The following PTPRD variants were observed in gnomAD, a reference collection of about 807,000 sequenced individuals.
PTPRD encodes receptor-type tyrosine-protein phosphatase delta.
PTPRD carries 34 observed loss-of-function variants against 214.5 expected under a neutral mutation model. The ratio of observed to expected loss-of-function variants is 0.16; its 90% CI spans 0.12 to 0.21. The LOEUF (loss-of-function observed/expected upper bound fraction) is 0.21, where lower values mean the gene tolerates loss of function less well. Among genes scored for constraint, PTPRD ranks in the 10% least tolerant of loss-of-function variants. The pLI is 1.00. For synonymous variants in PTPRD, 1,128 were observed against 845.7 expected, an observed-to-expected ratio of 1.33 and a Z score of -5.79; for missense variants, 2,545 against 2,398.7, an observed-to-expected ratio of 1.06 and a Z score of -1.27.
intron 2 of PTPRD, among the ~76,000 whole-genome samples, chr9:10,457,818 T>C (rs2098929531): frequency 6.6e-6 from 1 of 152,060 alleles, no homozygotes; most frequent in Non-Finnish European, 1.5e-5. Context: ...CATACCTTTT[T>C]TGAAAACATA....
intron 11 of PTPRD, among the ~76,000 whole-genome samples, chr9:8,891,102 CCT>C (rs1207813902): frequency 1.3e-5 from 2 of 151,122 alleles, no homozygotes; most frequent in Non-Finnish European, 2.9e-5. Context: ...GATACATACA[CCT>C]CTCTCAGAAC....
At chr9:10,609,906 G>A (rs1253216220) in intron 2 of PTPRD, among the ~76,000 whole-genome samples, 5 of 152,058 alleles carry the variant, frequency 3.3e-5, no homozygotes, top group Non-Finnish European at 7.4e-5. Flanking sequence ...AGAAAAACAT[G>A]TTTGCCTTCA....
At chr9:10,253,370 G>A (rs1348794029) in intron 3 of PTPRD, among the ~76,000 whole-genome samples, 1 of 152,204 alleles carries the variant, frequency 6.6e-6, no homozygotes, top group African/African-American at 2.4e-5. Flanking sequence ...TATGGGGCCA[G>A]CTGAAGAAAG....
intron 5 of PTPRD, among the ~76,000 whole-genome samples, chr9:9,798,624 T>C (rs1234797589): frequency 6.6e-6 from 1 of 152,186 alleles, no homozygotes; most frequent in Non-Finnish European, 1.5e-5. Context: ...ATGCCATATT[T>C]TGGGGTATCA....
At chr9:8,757,932 C>T (rs780656610) in intron 11 of PTPRD, among the ~76,000 whole-genome samples, 44 of 152,102 alleles carry the variant, frequency 2.9e-4, no homozygotes, top group Non-Finnish European at 3.1e-4. Flanking sequence ...AATTTGAAAT[C>T]TGGATCTCAC....
chr9:8,326,559 G>A (rs966032946), intron 44 of PTPRD, among the ~76,000 whole-genome samples: 1 of 151,524 alleles, frequency 6.6e-6, no homozygotes, highest in African/African-American at 2.4e-5. Flanking sequence ...GCCAGGTTTT[G>A]GTATCAGGAT....
At chr9:9,464,520 T>A (rs1419376593) in intron 8 of PTPRD, among the ~76,000 whole-genome samples, 1 of 152,202 alleles carries the variant, frequency 6.6e-6, no homozygotes, top group East Asian at 1.9e-4. Flanking sequence ...AAGGCCTTTC[T>A]ATGAGTCGCC....
intron 2 of PTPRD, among the ~76,000 whole-genome samples, chr9:10,449,922 T>C (rs888359451): frequency 9.9e-5 from 15 of 151,852 alleles, no homozygotes; most frequent in African/African-American, 3.6e-4. Flanking sequence ...CTTGGGATGC[T>C]GTTAATCTAT....
intron 5 of PTPRD, among the ~76,000 whole-genome samples, chr9:9,920,287 T>G (rs1202653520): frequency 6.6e-6 from 1 of 152,126 alleles, no homozygotes; most frequent in Non-Finnish European, 1.5e-5. Context: ...AGCTGATTTG[T>G]CTTCTTGTTT....
chr9:10,411,605 G>C lies in PTPRD; in HGVS notation c.-599-70588C>G, dbSNP rs78214621. On this transcript the variant is annotated intron_variant, in intron 2 of 45. Coordinates refer to ENST00000381196, the MANE Select transcript of PTPRD (RefSeq NM_002839.4). The stretch of plus-strand genomic sequence containing the variant: ...TTGAATTAGACTTACTTGCTGATTT[G>C]CTATATTGTGCCTGAATTTGCAAAC... 4.3e-3 allele frequency among the ~76,000 whole-genome samples: 648 copies of C among 151,742 alleles called. 5 individuals are homozygous for C. Among genetic ancestry groups the C allele is most frequent in the African/African-American group, 0.015 (615 of 41,448 alleles).
chr9:9,080,028 G>T (rs926271752), intron 10 of PTPRD, among the ~76,000 whole-genome samples: 1 of 151,962 alleles, frequency 6.6e-6, no homozygotes, highest in African/African-American at 2.4e-5. Context: ...TCAGTTATTG[G>T]TATTTTATGT....
At chr9:10,299,068 G>C (rs2095783544) in intron 3 of PTPRD, among the ~76,000 whole-genome samples, 1 of 152,046 alleles carries the variant, frequency 6.6e-6, no homozygotes, top group African/African-American at 2.4e-5. Context: ...TGATAATGTA[G>C]TAAATGTTCA....
At position 8,577,231 on chromosome 9, in the gene PTPRD, TTTTA is replaced by T. The variant is rs542513110; in HGVS notation, c.353-48456_353-48453del. ...CTGAAAGAACTTGAACTCTTTTATTTTTTATTTGTTTGTTTGTTTGTTTATTTAT... is the reference window on the plus strand; with the variant it reads ...CTGAAAGAACTTGAACTCTTTTATTTTTTGTTTGTTTGTTTGTTTATTTAT... On this transcript the variant is annotated intron_variant, in intron 14 of 45. Coordinates refer to ENST00000381196, the MANE Select transcript of PTPRD (RefSeq NM_002839.4). 3.4e-3 allele frequency among the ~76,000 whole-genome samples: 481 copies of T among 139,716 alleles called. 4 individuals are homozygous for T. The highest frequency in any genetic ancestry group is 9.9e-3 in the African/African-American group (352 of 35,450). The allele number at this position is 139,716 out of a possible 152,430, so 91.7% of individuals were successfully genotyped here.
chr9:8,792,267 T>A (rs184073885), intron 11 of PTPRD, among the ~76,000 whole-genome samples: 1 of 152,282 alleles, frequency 6.6e-6, no homozygotes, highest in Non-Finnish European at 1.5e-5. Flanking sequence ...ATTCTAAAAG[T>A]AAGATGTCTC....
At chr9:10,549,975 C>G (rs893802913) in intron 2 of PTPRD, among the ~76,000 whole-genome samples, 2 of 152,092 alleles carry the variant, frequency 1.3e-5, no homozygotes, top group Non-Finnish European at 2.9e-5. Flanking sequence ...GTGCCTTGAA[C>G]GTTTCCAAGT....
At chr9:8,342,604 C>G (rs1006932979) in intron 39 of PTPRD, among the ~76,000 whole-genome samples, 1 of 152,040 alleles carries the variant, frequency 6.6e-6, no homozygotes. Context: ...ATATTACCAT[C>G]TTAGGTAACA....
Position 9,039,058 on chromosome 9 carries a change from G to GAGTTA in PTPRD, c.-142-20328_-142-20324dup, listed in dbSNP as rs369213536. Among the ~76,000 whole-genome samples the GAGTTA allele has an allele frequency of 2.0e-4, 30 of 152,204 alleles. No homozygotes were observed. The East Asian group carries it at 5.0e-3, about 25-fold the overall frequency. On this transcript the variant is annotated intron_variant, in intron 10 of 45. Coordinates refer to ENST00000381196, the MANE Select transcript of PTPRD (RefSeq NM_002839.4). Reference sequence around the variant, plus strand: ...AAAATAAAACAAGGTTGTGTTTTCAGAGTTAAGCTATGAAACAAAAAAAGA... The same window carrying GAGTTA: ...AAAATAAAACAAGGTTGTGTTTTCAGAGTTAAGTTAAGCTATGAAACAAAAAAAGA...
intron 4 of PTPRD, among the ~76,000 whole-genome samples, chr9:9,951,804 G>A (rs1180464913): frequency 6.6e-6 from 1 of 152,186 alleles, no homozygotes; most frequent in African/African-American, 2.4e-5. Flanking sequence ...TTTATAGCAG[G>A]AAACAAGATT....
chr9:9,106,902 T>C (rs2099799462), intron 10 of PTPRD, among the ~76,000 whole-genome samples: 1 of 152,188 alleles, frequency 6.6e-6, no homozygotes, highest in Non-Finnish European at 1.5e-5. Flanking sequence ...TATGTGTTTG[T>C]GATAACTTAA....
Sources: allele counts gnomAD v4.1 joint callset (sites outside exome capture counted in the v4.1 genomes callset), GRCh38; gene constraint gnomAD v4.1.1; transcripts MANE v1.5; gene names NCBI Gene and HGNC (gene_info 2026-07-23, HGNC 2026-07-21).